The following LTBP1 variants were observed in gnomAD, a reference collection of about 807,000 sequenced individuals.
LTBP1 encodes latent-transforming growth factor beta-binding protein 1.
In LTBP1, 129 loss-of-function variants were observed where a neutral mutation model predicts 207.6. That is an observed-to-expected ratio of 0.62 (90% CI 0.54 to 0.72). The LOEUF (loss-of-function observed/expected upper bound fraction) is 0.72, where lower values mean the gene tolerates loss of function less well. Among genes scored for constraint, LTBP1 ranks in the 30% least tolerant of loss-of-function variants. The pLI, the probability that LTBP1 is intolerant of heterozygous loss-of-function variation, is 0.00. For synonymous variants in LTBP1, 963 were observed against 833.7 expected (o/e 1.16, Z -2.67); for missense variants, 2,281 against 2,217.2 (o/e 1.03, Z -0.58).
Position 33,319,076 on chromosome 2 carries a change from C to T in LTBP1, c.3730+3807C>T, listed in dbSNP as rs143414401. ...GGTTGCACCACTGTACTCCAGCCTG[C>T]GTGACAGAACCAGACCCTGTCTCTT... On this transcript the variant is annotated intron_variant, in intron 24 of 33. Transcript: ENST00000404816. Among the ~76,000 whole-genome samples, 844 of 152,160 alleles carry T rather than the reference C, an allele frequency of 5.5e-3. 3 individuals are homozygous for T. The highest frequency in any genetic ancestry group is 0.01 in the Non-Finnish European group (680 of 67,982).
chr2:33,331,569 A>T (rs1354574413), intron 24 of LTBP1, among the ~76,000 whole-genome samples: 1 of 152,166 alleles, frequency 6.6e-6, no homozygotes, highest in African/African-American at 2.4e-5. Context: ...CTATGGCCAG[A>T]GAATATACTC....
chr2:33,256,091 A>T (rs201084842), intron 11 of LTBP1, among the ~76,000 whole-genome samples: 3 of 149,124 alleles, frequency 2.0e-5, no homozygotes, highest in Admixed American at 6.7e-5. Context: ...TTTTTTTTTT[A>T]AAGAATACAA....
At chr2:33,095,670 G>A (rs1202620711) in intron 3 of LTBP1, among the ~76,000 whole-genome samples, 1 of 151,934 alleles carries the variant, frequency 6.6e-6, no homozygotes, top group Non-Finnish European at 1.5e-5. Flanking sequence ...GACTTAAAAA[G>A]CATATATATA....
Position 33,309,462 on chromosome 2 carries a change from T to A in LTBP1, c.3510T>A (p.Ser1170Arg). Residue 1170 changes from serine to arginine, a missense_variant, in exon 23 of 34, where the codon AGT becomes AGA. Physicochemically the swap from Ser to Arg is moderately radical, Grantham distance 110 (BLOSUM62 -1). Coordinates refer to ENST00000404816, the MANE Select transcript of LTBP1 (RefSeq NM_206943.4). ...EDINECLEDK[S>R]VCQRGDCINT... ...TCAATGAATGCTTGGAGGACAAGAG[T>A]GTTTGCCAGAGAGGAGACTGCATTA... 6.2e-7 allele frequency: 1 copy of A among 1,608,388 alleles called. No homozygotes were observed. The highest frequency in any genetic ancestry group is 8.5e-7 in the Non-Finnish European group (1 of 1,178,162).
chr2:33,051,750 C>T (rs1021117459), intron 3 of LTBP1, among the ~76,000 whole-genome samples: 4 of 152,052 alleles, frequency 2.6e-5, no homozygotes, highest in African/African-American at 9.7e-5. Flanking sequence ...GGAGAGGGCC[C>T]TGAGATGTTG....
intron 33 of LTBP1, among the ~76,000 whole-genome samples, chr2:33,397,509 T>TTTTC (rs1204557651): frequency 1.4e-5 from 2 of 142,690 alleles, no homozygotes; most frequent in African/African-American, 5.3e-5. Flanking sequence ...CACAATTCTT[T>TTTTC]TTTTTTTTTT....
intron 3 of LTBP1, among the ~76,000 whole-genome samples, chr2:33,109,286 G>A (rs751791895): frequency 1.3e-5 from 2 of 152,190 alleles, no homozygotes; most frequent in African/African-American, 4.8e-5. Context: ...TGCACTGACT[G>A]CCATGGCGTC....
In LTBP1 at chr2:33,108,036, G is replaced by A. The variant is rs75615444; in HGVS notation, c.864-2546G>A. ...GGATATGTATTTGTAAGACTGCAAC[G>A]TGGTCTGAAGTGGAAATAACTGTGA... On this transcript the variant is annotated intron_variant, in intron 3 of 33. Transcript: ENST00000404816. 5.5e-3 allele frequency among the ~76,000 whole-genome samples: 840 copies of A among 152,326 alleles called. 7 individuals carry two copies. The highest frequency in any genetic ancestry group is 0.019 in the African/African-American group (773 of 41,564).
intron 5 of LTBP1, among the ~76,000 whole-genome samples, chr2:33,138,803 T>C (rs934570834): frequency 1.3e-5 from 2 of 151,466 alleles, no homozygotes; most frequent in Non-Finnish European, 2.9e-5. Flanking sequence ...TTAGCACCAA[T>C]TGAATAATTA....
At chr2:33,277,496 A>G (rs141513878) in intron 18 of LTBP1, among the ~76,000 whole-genome samples, 1 of 152,092 alleles carries the variant, frequency 6.6e-6, no homozygotes, top group Non-Finnish European at 1.5e-5. Context: ...AGGAACCATG[A>G]AGTTAACTTT....
chr2:33,118,090 G>A (rs2080864552), intron 4 of LTBP1, among the ~76,000 whole-genome samples: 1 of 151,786 alleles, frequency 6.6e-6, no homozygotes, highest in Non-Finnish European at 1.5e-5. Flanking sequence ...GCAGAGCTTT[G>A]CAGATGGACC....
chr2:32,959,316 C>T (rs1678612399), intron 2 of LTBP1, among the ~76,000 whole-genome samples: 1 of 151,826 alleles, frequency 6.6e-6, no homozygotes, highest in South Asian at 2.1e-4. Flanking sequence ...GGAGGCGACT[C>T]TTCGGAGGGA....
At chr2:33,295,461 A>G (rs2093856387) in intron 20 of LTBP1, among the ~76,000 whole-genome samples, 2 of 152,142 alleles carry the variant, frequency 1.3e-5, no homozygotes. Flanking sequence ...CGAGAAGCAG[A>G]GGTTGCAGTG....
intron 3 of LTBP1, among the ~76,000 whole-genome samples, chr2:33,060,604 G>A (rs1427625268): frequency 1.3e-5 from 2 of 151,220 alleles, no homozygotes; most frequent in African/African-American, 4.9e-5. Context: ...GGGAGGCAGG[G>A]AGGGAACTTT....
chr2:33,066,241 T>C (rs1224280394), intron 3 of LTBP1, among the ~76,000 whole-genome samples: 1 of 152,226 alleles, frequency 6.6e-6, no homozygotes, highest in East Asian at 1.9e-4. Flanking sequence ...TACAATTGTA[T>C]TGAATCACAG....
At chr2:33,273,111 A>G (rs1489804894) in intron 15 of LTBP1, among the ~76,000 whole-genome samples, 2 of 152,220 alleles carry the variant, frequency 1.3e-5, no homozygotes, top group Non-Finnish European at 2.9e-5. Context: ...TAAGAGTAAG[A>G]TACACCAAGA....
chr2:32,988,229 C>T (rs1683891115), intron 2 of LTBP1, among the ~76,000 whole-genome samples: 1 of 152,174 alleles, frequency 6.6e-6, no homozygotes, highest in Non-Finnish European at 1.5e-5. Flanking sequence ...TTGTTTAAAG[C>T]CAATCAGTTT....
At chr2:33,382,224 A>G (rs2095224359) in intron 31 of LTBP1, among the ~76,000 whole-genome samples, 1 of 151,216 alleles carries the variant, frequency 6.6e-6, no homozygotes, top group Non-Finnish European at 1.5e-5. Context: ...CCTCCCAGGT[A>G]GCTGGGACTA....
chr2:33,036,250 T>A (rs77599738), intron 3 of LTBP1, among the ~76,000 whole-genome samples: 14,936 of 152,052 alleles, frequency 0.098, 945 homozygotes, highest in Non-Finnish European at 0.14. Flanking sequence ...GGTGGAGAAT[T>A]TGGGTGGCTG....
Sources: allele counts gnomAD v4.1 joint callset (sites outside exome capture counted in the v4.1 genomes callset), GRCh38; gene constraint gnomAD v4.1.1; transcripts MANE v1.5; gene names NCBI Gene and HGNC (gene_info 2026-07-23, HGNC 2026-07-21).